Variants in BCL2L13 observed in about 807,000 individuals in gnomAD.
BCL2L13 encodes the protein BCL2 like 13, also known as bcl-2-like protein 13.
A neutral mutation model predicts 25.8 loss-of-function variants in BCL2L13; 13 were observed. The observed-to-expected ratio is 0.50, with a 90% CI of 0.33 to 0.80. The LOEUF is 0.80. Among genes scored for constraint, BCL2L13 ranks in the 30% least tolerant of loss-of-function variants. The pLI is 0.02. For synonymous variants in BCL2L13, 244 were observed against 230.3 expected, an observed-to-expected ratio of 1.06 and a Z score of -0.54; for missense variants, 504 against 574.9, an observed-to-expected ratio of 0.88 and a Z score of 1.26.
rs189611701 is a variant in BCL2L13, at chr22:17,661,480, G to A, written c.121+5648G>A. ...TTATAATAAAATTTCTCTAGGTGAA[G>A]GATAAAGGTTGAACCTCTGTCCCGG... On this transcript the variant is annotated intron_variant, in intron 2 of 6. Transcript: ENST00000317582. Among the ~76,000 whole-genome samples, 5 of 146,204 alleles carry A rather than the reference G, an allele frequency of 3.4e-5. No homozygotes were observed. The East Asian group carries it at 9.6e-4, about 28-fold the overall frequency.
chr22:17,673,628 C>T (rs964720623), intron 2 of BCL2L13, among the ~76,000 whole-genome samples: 3 of 151,522 alleles, frequency 2.0e-5, no homozygotes, highest in Non-Finnish European at 2.9e-5. Flanking sequence ...CCGCCTGCCT[C>T]GGCCTCCCAA....
intron 4 of BCL2L13, among the ~76,000 whole-genome samples, chr22:17,692,692 C>T (rs564799043): frequency 4.6e-5 from 7 of 152,180 alleles, no homozygotes; most frequent in Non-Finnish European, 1.0e-4. Flanking sequence ...TGATTTGATA[C>T]AGACTTAGGT....
chr22:17,665,369 T>A (rs2059202794), intron 2 of BCL2L13, among the ~76,000 whole-genome samples: 1 of 152,146 alleles, frequency 6.6e-6, no homozygotes, highest in South Asian at 2.1e-4. Flanking sequence ...ATTCAATAAG[T>A]CTCTAGGAAG....
At chr22:17,718,167 AG>A (rs1037965105) in intron 6 of BCL2L13, among the ~76,000 whole-genome samples, 19 of 140,674 alleles carry the variant, frequency 1.4e-4, no homozygotes, top group African/African-American at 4.6e-4. Context: ...ACAGGGAGGG[AG>A]GGAGGGAAAA....
At chr22:17,698,782 G>C (rs1279177560) in intron 5 of BCL2L13, among the ~76,000 whole-genome samples, 2 of 151,996 alleles carry the variant, frequency 1.3e-5, no homozygotes, top group African/African-American at 2.4e-5. Flanking sequence ...CCTGTTAGTA[G>C]TTACTCCCCA....
intron 5 of BCL2L13, among the ~76,000 whole-genome samples, chr22:17,699,289 G>A (rs1230351311): frequency 6.6e-6 from 1 of 152,174 alleles, no homozygotes; most frequent in Non-Finnish European, 1.5e-5. Context: ...TAGATTGGTA[G>A]AGCAAAATAT....
chr22:17,690,948 G>A (rs539729492), intron 4 of BCL2L13, among the ~76,000 whole-genome samples: 2 of 152,214 alleles, frequency 1.3e-5, no homozygotes, highest in East Asian at 3.9e-4. Flanking sequence ...AGGTGCTGCA[G>A]GGGTCCTGAA....
intron 3 of BCL2L13, among the ~76,000 whole-genome samples, chr22:17,685,032 G>A (rs1360264901): frequency 6.6e-6 from 1 of 152,038 alleles, no homozygotes; most frequent in Non-Finnish European, 1.5e-5. Context: ...ACCACGCCCG[G>A]CCTGTAATTT....
chr22:17,718,203 A>G (rs1381587915), intron 6 of BCL2L13, among the ~76,000 whole-genome samples: 2 of 152,306 alleles, frequency 1.3e-5, no homozygotes, highest in East Asian at 3.8e-4. Context: ...TTAGAGTAAT[A>G]CCAGAAAATG....
At chr22:17,632,712 T>G (rs2058049174) in intron 1 of BCL2L13, among the ~76,000 whole-genome samples, 1 of 152,040 alleles carries the variant, frequency 6.6e-6, no homozygotes, top group African/African-American at 2.4e-5. Context: ...CGTGCTTTTG[T>G]TTTTTGGAAA....
intron 4 of BCL2L13, chr22:17,695,885 G>A: frequency 2.8e-6 from 1 of 352,952 alleles, no homozygotes; most frequent in Non-Finnish European, 5.3e-6. Context: ...GTTCCAAGCA[G>A]TTACAAAAAA....
At chr22:17,630,231 A>C (rs971001872) in intron 1 of BCL2L13, among the ~76,000 whole-genome samples, 11 of 151,830 alleles carry the variant, frequency 7.2e-5, no homozygotes, top group Admixed American at 1.3e-4. Flanking sequence ...AAAACAAAAA[A>C]AAAAAAAACA....
chr22:17,656,010 A>G (rs1479805761), intron 2 of BCL2L13, among the ~76,000 whole-genome samples, 178 bp downstream of exon 2: 1 of 152,130 alleles, frequency 6.6e-6, no homozygotes, highest in Non-Finnish European at 1.5e-5. Context: ...TGGGAGGCTG[A>G]TGTGAGCAGA....
intron 6 of BCL2L13, among the ~76,000 whole-genome samples, chr22:17,708,652 C>T (rs545260837): frequency 4.5e-4 from 69 of 152,250 alleles, no homozygotes; most frequent in African/African-American, 1.6e-3. Context: ...ACAAAAAAGA[C>T]GCAGTTCTCT....
rs577858607 is a variant in BCL2L13, at chr22:17,630,024, G to T, written c.-650+1019G>T. 3.3e-5 allele frequency among the ~76,000 whole-genome samples: 5 copies of T among 152,066 alleles called. No individual in the cohort carries two copies. In the East Asian group the frequency reaches 7.8e-4, roughly 24 times the overall value. On this transcript the variant is annotated intron_variant, in intron 1 of 6. Coordinates refer to the BCL2L13 transcript ENST00000399782. ...ACCTGAGGTCGGGATTTCGAGACCA[G>T]CCTGACCAACATGGAGAAACCCCAG... is the stretch of plus-strand genomic sequence containing the variant.
At chr22:17,644,882 T>C (rs1254233151) in intron 1 of BCL2L13, among the ~76,000 whole-genome samples, 1 of 149,990 alleles carries the variant, frequency 6.7e-6, no homozygotes, top group Non-Finnish European at 1.5e-5. Context: ...CAATCTCAGC[T>C]CACTGCAACC....
intron 1 of BCL2L13, among the ~76,000 whole-genome samples, chr22:17,630,452 G>A (rs1003865118): frequency 9.9e-5 from 15 of 151,452 alleles, no homozygotes; most frequent in African/African-American, 3.4e-4. Flanking sequence ...GCTAATTTTT[G>A]TATTTTTAGT....
intron 2 of BCL2L13, among the ~76,000 whole-genome samples, chr22:17,678,444 C>G (rs2059637556): frequency 6.6e-6 from 1 of 152,100 alleles, no homozygotes; most frequent in Non-Finnish European, 1.5e-5. Flanking sequence ...TGAGATCTTT[C>G]ATTCCTAGCC....
At chr22:17,688,246 T>C (rs952649385) in intron 3 of BCL2L13, among the ~76,000 whole-genome samples, 8 of 152,208 alleles carry the variant, frequency 5.3e-5, no homozygotes, top group African/African-American at 1.7e-4. Context: ...CATGAGTCAC[T>C]GTGCTCGGCT....
Sources: allele counts gnomAD v4.1 joint callset (sites outside exome capture counted in the v4.1 genomes callset), GRCh38; gene constraint gnomAD v4.1.1; transcripts MANE v1.5; gene names NCBI Gene and HGNC (gene_info 2026-07-23, HGNC 2026-07-21).